TAF5L: variants seen among roughly 807,000 people sequenced by gnomAD.
The protein encoded by TAF5L is TAF5-like RNA polymerase II p300/CBP-associated factor-associated factor 65 kDa subunit 5L.
In TAF5L, 7 loss-of-function variants were observed where a neutral mutation model predicts 51.3. The ratio of observed to expected loss-of-function variants is 0.14; its 90% CI spans 0.08 to 0.26. TAF5L has a LOEUF of 0.26. Ranked by LOEUF, TAF5L falls within the 10% of genes least tolerant of loss-of-function variation. The probability of loss-of-function intolerance (pLI) is 1.00; values close to 1 mark genes in which losing one functional copy is unlikely to be tolerated. For synonymous variants in TAF5L, 291 were observed against 308.1 expected (o/e 0.94, Z 0.58); for missense variants, 575 against 758.9 (o/e 0.76, Z 2.85).
chr1:229,601,150 G>C (rs549759950), intron 4 of TAF5L: 4 of 985,138 alleles, frequency 4.1e-6, no homozygotes, highest in South Asian at 9.4e-5. Flanking sequence ...ATACTGTCTC[G>C]GTTGCAAGAA....
chr1:229,602,351 G>A lies in TAF5L; in HGVS notation c.816C>T (p.Asn272=). The A allele has an allele frequency of 6.2e-7, 1 of 1,614,174 alleles. No homozygotes were observed. Among genetic ancestry groups the A allele is most frequent in the South Asian group, 1.1e-5 (1 of 91,078 alleles). ...TGCTATCGGGGGAGATTTCTGCAGTGTTCAACAGCTGCTCTGTGTTATAGA... is the reference window on the plus strand; with the variant it reads ...TGCTATCGGGGGAGATTTCTGCAGTATTCAACAGCTGCTCTGTGTTATAGA... The change falls in exon 4 of 5, where the codon AAC becomes AAT. Residue 272 remains asparagine (N), a synonymous_variant. Transcript: ENST00000258281. This position sits in a 1 kb window ranked among gnomAD's most constrained non-coding sequence, Gnocchi z 4.6.
At chr1:229,623,532 C>A (rs1665300882) in intron 1 of TAF5L, among the ~76,000 whole-genome samples, 1 of 152,236 alleles carries the variant, frequency 6.6e-6, no homozygotes, top group African/African-American at 2.4e-5. Context: ...CACTTCGCAG[C>A]TCAGCTTAGC....
rs1553270425 is a variant in TAF5L at position 229,605,110 on chromosome 1, A to ATGTG, written c.248-2192_248-2191insCACA. On this transcript the variant is annotated intron_variant, in intron 3 of 4. Transcript: ENST00000258281. ...CCACGCTCAGCTAATTTTTGTATGTATATATATATATATATGTATTTTTTT... is the reference window on the plus strand; with the variant it reads ...CCACGCTCAGCTAATTTTTGTATGTATGTGTATATATATATATATGTATTTTTTT... 8.4e-3 allele frequency among the ~76,000 whole-genome samples: 528 copies of ATGTG among 62,690 alleles called. 10 individuals carry two copies. The highest frequency in any genetic ancestry group is 0.021 in the African/African-American group (512 of 24,780). 41.1% of individuals were successfully genotyped at this position (62,690 alleles called of 152,430 possible). A position where few individuals can be genotyped will look rare whatever the true frequency, so the allele number is the denominator to read the frequency against.
intron 1 of TAF5L, among the ~76,000 whole-genome samples, chr1:229,624,757 T>C (rs1665365880): frequency 6.6e-6 from 1 of 152,132 alleles, no homozygotes; most frequent in Admixed American, 6.6e-5. Context: ...TGTTCCAAAG[T>C]TTAAAGATGT....
chr1:229,602,940 G>C lies in TAF5L; in HGVS notation c.248-21C>G. Reference sequence around the variant, plus strand: ...AGAATCTATAATGAAAGAAAAAGAAGGCTTTATAATCAGCATAATCTTACA... The same window carrying C: ...AGAATCTATAATGAAAGAAAAAGAACGCTTTATAATCAGCATAATCTTACA... On this transcript the variant is annotated intron_variant, in intron 3 of 4. Coordinates refer to ENST00000258281, the Ensembl canonical transcript of TAF5L. This position sits in a 1 kb window ranked among gnomAD's most constrained non-coding sequence, Gnocchi z 4.6. 1 of 1,566,034 alleles carries C rather than the reference G, an allele frequency of 6.4e-7. No homozygotes were observed. Among genetic ancestry groups the C allele is most frequent in the Non-Finnish European group, 8.6e-7 (1 of 1,165,152 alleles).
intron 3 of TAF5L, chr1:229,606,446 G>T: frequency 2.0e-6 from 2 of 985,366 alleles, no homozygotes; most frequent in Non-Finnish European, 2.4e-6. Context: ...GGCGGTAAAT[G>T]AGAGAACAAT....
intron 1 of TAF5L, among the ~76,000 whole-genome samples, chr1:229,620,318 C>A (rs1377361843): frequency 6.6e-6 from 1 of 152,204 alleles, no homozygotes; most frequent in African/African-American, 2.4e-5. Flanking sequence ...CTCAGCCTCC[C>A]AGGTAGCTAG....
At chr1:229,600,964 TCA>T (rs912837941) in intron 4 of TAF5L, 19 of 985,416 alleles carry the variant, frequency 1.9e-5, no homozygotes, top group African/African-American at 1.6e-4. Context: ...GCAGTATTCC[TCA>T]GTTTTATCAG....
intron 3 of TAF5L, chr1:229,606,623 T>TCA: frequency 2.0e-6 from 2 of 985,458 alleles, no homozygotes; most frequent in Non-Finnish European, 2.4e-6. Context: ...GGTCCTGTCG[T>TCA]CACTCCCTTT....
intron 2 of TAF5L, among the ~76,000 whole-genome samples, chr1:229,613,329 CAAAAAA>C (rs567436350): frequency 1.2e-5 from 1 of 84,594 alleles, no homozygotes; most frequent in Non-Finnish European, 2.4e-5. Flanking sequence ...GACTCTGTCT[CAAAAAA>C]AAAAAAAAAA....
rs758887072 is a variant in TAF5L at position 229,614,259 on chromosome 1, AGAG to A, written c.142+79_142+81del. ...TGCTCTCTCTGGCACTGTCTTGAGAAGAGGAGAAGTAATTCCACATGGATATTG... is the reference window on the plus strand; with the variant it reads ...TGCTCTCTCTGGCACTGTCTTGAGAAGAGAAGTAATTCCACATGGATATTG... On this transcript the variant is annotated intron_variant, in intron 2 of 4. Transcript: ENST00000258281. The A allele has an allele frequency of 1.4e-5, 23 of 1,612,178 alleles. No individual in the cohort carries two copies. The East Asian group carries it at 2.2e-4, about 16-fold the overall frequency.
At chr1:229,620,956 A>ATATG (rs1665178589) in intron 1 of TAF5L, among the ~76,000 whole-genome samples, 2 of 149,904 alleles carry the variant, frequency 1.3e-5, no homozygotes, top group Non-Finnish European at 3.0e-5. Context: ...TAAAACATTT[A>ATATG]TGTGTGTGTG....
Position 229,594,567 on chromosome 1 carries a change from C to T in TAF5L, c.1500G>A (p.Gly500=). 1 of 1,614,172 alleles carries T rather than the reference C, an allele frequency of 6.2e-7. No individual in the cohort carries two copies. Among genetic ancestry groups the T allele is most frequent in the Middle Eastern group, 1.6e-4 (1 of 6,062 alleles). The change falls in exon 5 of 5, where the codon GGG becomes GGA. Residue 500 remains glycine (G), a synonymous_variant. Transcript: ENST00000258281. This position sits in a 1 kb window ranked among gnomAD's most constrained non-coding sequence, Gnocchi z 7.9. ...GGCCTCTCAACTCTTTATAAAGGGT[C>T]CCAGAGGCCAAGTCCCACAGCTTCA... is the stretch of plus-strand genomic sequence containing the variant.
At chr1:229,624,551 G>A (rs996907165) in intron 1 of TAF5L, among the ~76,000 whole-genome samples, 1 of 152,142 alleles carries the variant, frequency 6.6e-6, no homozygotes, top group Non-Finnish European at 1.5e-5. Flanking sequence ...GCTGAGGCGG[G>A]AGGACTGCTT....
At chr1:229,596,556 A>C (rs1664135637) in intron 4 of TAF5L, among the ~76,000 whole-genome samples, 1 of 152,220 alleles carries the variant, frequency 6.6e-6, no homozygotes, top group South Asian at 2.1e-4. Context: ...AGCAAAGCCA[A>C]GCGATTCATG....
At chr1:229,605,201 T>C (rs1196242652) in intron 3 of TAF5L, among the ~76,000 whole-genome samples, 2 of 152,082 alleles carry the variant, frequency 1.3e-5, no homozygotes, top group African/African-American at 2.4e-5. Flanking sequence ...TTAAGTGATA[T>C]ACCCATCTCA....
exon 5 of TAF5L, chr1:229,593,577 T>C (rs982956506): frequency 5.3e-5 from 8 of 151,986 alleles, no homozygotes; most frequent in African/African-American, 7.3e-5. Flanking sequence ...GGGTGATCAA[T>C]CTGTCACCCG....
rs1664156727 is a variant in TAF5L at position 229,597,258 on chromosome 1, C to T, written c.973-2164G>A. On this transcript the variant is annotated intron_variant, in intron 4 of 4. Coordinates refer to ENST00000258281, the Ensembl canonical transcript of TAF5L. ...CTGCCTCTGAGGTGTAAGTGGTCTT[C>T]ATTTGGAACAAGAAGCTATGGAAGT... Among the ~76,000 whole-genome samples the T allele has an allele frequency of 5.3e-5, 8 of 152,186 alleles. 1 individual carries two copies. The South Asian group carries it at 1.7e-3, about 32-fold the overall frequency.
At chr1:229,605,430 G>A (rs2891863) in intron 3 of TAF5L, among the ~76,000 whole-genome samples, 20,524 of 152,066 alleles carry the variant, frequency 0.13, 2,118 homozygotes, top group East Asian at 0.42. Flanking sequence ...TATTAGGTTA[G>A]GTGGAAGTAT....
Sources: gnomAD v4.1 joint callset for allele counts (sites outside exome capture counted in the v4.1 genomes callset) on GRCh38, gnomAD v4.1.1 for gene constraint, Gnocchi (gnomAD v3.1) non-coding constraint, MANE v1.5 for transcripts, NCBI Gene and HGNC (gene_info 2026-07-23, HGNC 2026-07-21) for gene names.